The following ZCRB1 variants were observed in gnomAD, a reference collection of about 807,000 sequenced individuals.
The protein encoded by ZCRB1 is zinc finger CCHC-type and RNA-binding motif-containing protein 1.
A neutral mutation model predicts 29.9 loss-of-function variants in ZCRB1; 21 were observed. The ratio of observed to expected loss-of-function variants is 0.70; its 90% CI spans 0.50 to 1.01. The LOEUF is 1.01. Ranked by LOEUF, ZCRB1 falls within the 50% of genes least tolerant of loss-of-function variation. The pLI, the probability that ZCRB1 is intolerant of heterozygous loss-of-function variation, is 0.00. For synonymous variants in ZCRB1, 77 were observed against 80.0 expected (o/e 0.96, Z 0.20); for missense variants, 204 against 253.3 (o/e 0.81, Z 1.32).
intron 4 of ZCRB1, 102 bp from the exon 5 acceptor site, chr12:42,317,549 T>A (rs1192846495): frequency 9.4e-7 from 1 of 1,058,486 alleles, no homozygotes; most frequent in Non-Finnish European, 1.3e-6. Flanking sequence ...TTATTTTGGA[T>A]TTTTTAGCAA....
chr12:42,317,735 A>G, intron 4 of ZCRB1, 52 bp downstream of exon 4: 2 of 1,533,154 alleles, frequency 1.3e-6, no homozygotes, highest in Non-Finnish European at 1.8e-6. Context: ...TTTGGCCTGG[A>G]TGAGCATAAA....
At chr12:42,325,662 GA>G (rs2068703087) in intron 1 of ZCRB1, 1 of 152,186 alleles carries the variant, frequency 6.6e-6, no homozygotes, top group Non-Finnish European at 1.5e-5. Context: ...GCCAATTCGT[GA>G]AGGAATGAGA....
At chr12:42,319,027 T>C (rs1185143695) in intron 3 of ZCRB1, among the ~76,000 whole-genome samples, 1 of 152,184 alleles carries the variant, frequency 6.6e-6, no homozygotes, top group Non-Finnish European at 1.5e-5. Flanking sequence ...GAGGGAATGC[T>C]GGAGTTGGAA....
intron 5 of ZCRB1, among the ~76,000 whole-genome samples, chr12:42,314,687 T>C (rs2068586508): frequency 6.6e-6 from 1 of 152,178 alleles, no homozygotes; most frequent in South Asian, 2.1e-4. Flanking sequence ...TTCCAAGATG[T>C]TGCTTAATAC....
intron 1 of ZCRB1, chr12:42,325,491 TA>T (rs1319044114): frequency 6.6e-6 from 1 of 152,214 alleles, no homozygotes; most frequent in Non-Finnish European, 1.5e-5. Flanking sequence ...TTTACAAATG[TA>T]ATCAGTAATT....
At chr12:42,322,471 C>T in intron 2 of ZCRB1, 25 bp from the exon 3 acceptor site, 1 of 1,469,356 alleles carries the variant, frequency 6.8e-7, no homozygotes, top group Non-Finnish European at 9.2e-7. Flanking sequence ...CAAATATTTA[C>T]AATTTATTTT....
At chr12:42,324,144 C>T in intron 1 of ZCRB1, 40 bp from the exon 2 acceptor site, 1 of 1,579,208 alleles carries the variant, frequency 6.3e-7, no homozygotes, top group Non-Finnish European at 8.7e-7. Context: ...CAGTCTAAAC[C>T]AGGATTCTTT....
intron 3 of ZCRB1, 137 bp downstream of exon 3, chr12:42,322,277 AAATT>A: frequency 1.2e-6 from 1 of 856,972 alleles, no homozygotes; most frequent in Non-Finnish European, 1.7e-6. Flanking sequence ...AAAACCAACT[AAATT>A]GTCATAAAAA....
chr12:42,312,989 T>G lies in ZCRB1; in HGVS notation c.*78A>C. 7.5e-7 allele frequency: 1 copy of G among 1,336,070 alleles called. No homozygotes were observed. Among genetic ancestry groups the G allele is most frequent in the Non-Finnish European group, 9.8e-7 (1 of 1,016,850 alleles). The allele number at this position is 1,336,070 out of a possible 1,614,324, so 82.8% of individuals were successfully genotyped here. ...GTATTAACATGATAGTATTAATTTT[T>G]CTTATTTTTATTAAAATTAGCTCTT... On this transcript the variant is annotated 3_prime_UTR_variant, in exon 8 of 8. Coordinates refer to ENST00000266529, the MANE Select transcript of ZCRB1 (RefSeq NM_033114.4).
At chr12:42,317,659 T>G in intron 4 of ZCRB1, 128 bp downstream of exon 4, 1 of 859,226 alleles carries the variant, frequency 1.2e-6, no homozygotes, top group South Asian at 1.8e-5. Context: ...TTTCTTTCTA[T>G]AAGTTAGATA....
At chr12:42,313,467 A>G (rs905647669) in intron 7 of ZCRB1, among the ~76,000 whole-genome samples, 3 of 152,162 alleles carry the variant, frequency 2.0e-5, no homozygotes, top group Admixed American at 6.5e-5. Context: ...TTAATGAAAA[A>G]AGATTAAGAT....
chr12:42,320,035 C>T (rs2068613990), intron 3 of ZCRB1, among the ~76,000 whole-genome samples: 1 of 150,768 alleles, frequency 6.6e-6, no homozygotes, highest in South Asian at 2.1e-4. Flanking sequence ...TCTGTGGTAA[C>T]AGAAAAAAAA....
chr12:42,313,645 C>G, intron 7 of ZCRB1, 45 bp downstream of exon 7: 1 of 1,596,012 alleles, frequency 6.3e-7, no homozygotes, highest in Non-Finnish European at 8.5e-7. Context: ...CACTATAAAC[C>G]AAGTCAACTA....
chr12:42,318,773 G>A (rs1257649159), intron 3 of ZCRB1, among the ~76,000 whole-genome samples: 3 of 152,072 alleles, frequency 2.0e-5, no homozygotes, highest in South Asian at 4.2e-4. Context: ...AGAGAGAGAC[G>A]GAGGGAGGAA....
intron 2 of ZCRB1, among the ~76,000 whole-genome samples, chr12:42,322,986 G>A (rs2068629037): frequency 6.6e-6 from 1 of 152,078 alleles, no homozygotes; most frequent in Non-Finnish European, 1.5e-5. Flanking sequence ...TTCTTCCTCT[G>A]CCCACCATTA....
intron 3 of ZCRB1, among the ~76,000 whole-genome samples, chr12:42,320,165 A>T (rs2068614587): frequency 1.3e-5 from 2 of 152,246 alleles, no homozygotes; most frequent in African/African-American, 4.8e-5. Context: ...TTATTTAAGC[A>T]CATAATATGA....
chr12:42,318,068 G>A (rs2068603559), intron 3 of ZCRB1, among the ~76,000 whole-genome samples, 170 bp from the exon 4 acceptor site: 1 of 152,182 alleles, frequency 6.6e-6, no homozygotes, highest in East Asian at 1.9e-4. Flanking sequence ...AAATGGGAAA[G>A]GGTGATACTG....
chr12:42,317,032 C>A (rs530946101), intron 5 of ZCRB1, among the ~76,000 whole-genome samples: 2 of 151,986 alleles, frequency 1.3e-5, no homozygotes, highest in African/African-American at 4.8e-5. Flanking sequence ...CATAGGAAGA[C>A]CCTGCCTCTA....
At chr12:42,324,388 T>C (rs1327395740) in intron 1 of ZCRB1, among the ~76,000 whole-genome samples, 1 of 152,192 alleles carries the variant, frequency 6.6e-6, no homozygotes, top group Non-Finnish European at 1.5e-5. Context: ...CCTCAAATGA[T>C]CCACCTGCCT....
Sources: gnomAD v4.1 joint callset for allele counts (sites outside exome capture counted in the v4.1 genomes callset) on GRCh38, gnomAD v4.1.1 for gene constraint, MANE v1.5 for transcripts, NCBI Gene and HGNC (gene_info 2026-07-23, HGNC 2026-07-21) for gene names.